Variants in TMX2 observed in about 807,000 individuals in gnomAD.
TMX2 encodes the protein thioredoxin related transmembrane protein 2.
In TMX2, 20 loss-of-function variants were observed where a neutral mutation model predicts 33.4. That is an observed-to-expected ratio of 0.60 (90% CI 0.42 to 0.87). The LOEUF is 0.87. Among genes scored for constraint, TMX2 ranks in the 40% least tolerant of loss-of-function variants. The pLI, the probability that TMX2 is intolerant of heterozygous loss-of-function variation, is 0.00. For synonymous variants in TMX2, 166 were observed against 140.7 expected, an observed-to-expected ratio of 1.18 and a Z score of -1.27; for missense variants, 340 against 370.7, an observed-to-expected ratio of 0.92 and a Z score of 0.68.
chr11:57,716,254 CG>C (rs1221691799), intron 1 of TMX2, among the ~76,000 whole-genome samples: 1 of 147,114 alleles, frequency 6.8e-6, no homozygotes. Context: ...GATGGCCGGG[CG>C]GGGGGCTGAC....
In TMX2 at chr11:57,729,363, G is replaced by C. The variant is rs562087361; in HGVS notation, c.190-8245G>C. Among the ~76,000 whole-genome samples, 23 of 151,920 alleles carry C rather than the reference G, an allele frequency of 1.5e-4. No individual in the cohort carries two copies. The East Asian group carries it at 3.9e-3, about 26-fold the overall frequency. On this transcript the variant is annotated intron_variant, in intron 1 of 7. Coordinates refer to ENST00000278422, the MANE Select transcript of TMX2 (RefSeq NM_015959.4). ...TGCTTTAGATCGGCTGTTACTTTTC[G>C]ACTGAGATAAAAACCACTGTTCTCT...
At chr11:57,716,267 C>A (rs1241151767) in intron 1 of TMX2, among the ~76,000 whole-genome samples, 1 of 146,288 alleles carries the variant, frequency 6.8e-6, no homozygotes, top group African/African-American at 2.5e-5. Flanking sequence ...GGGGCTGACC[C>A]CCCCCCACCT....
chr11:57,713,447 A>G (rs946884982), intron 1 of TMX2, among the ~76,000 whole-genome samples: 2 of 152,120 alleles, frequency 1.3e-5, no homozygotes, highest in African/African-American at 4.8e-5. Context: ...GTTGTAAAGA[A>G]ATCTTTGGGA....
At chr11:57,716,705 G>A (rs1366604120) in intron 1 of TMX2, among the ~76,000 whole-genome samples, 1 of 145,590 alleles carries the variant, frequency 6.9e-6, no homozygotes, top group African/African-American at 2.6e-5. Flanking sequence ...GGCAGGCCGG[G>A]TGGGGGGCTG....
At chr11:57,726,133 C>G (rs1380519075) in intron 1 of TMX2, among the ~76,000 whole-genome samples, 1 of 152,088 alleles carries the variant, frequency 6.6e-6, no homozygotes, top group Non-Finnish European at 1.5e-5. Flanking sequence ...AGTCAGTCTG[C>G]CGGGCGTGGT....
chr11:57,721,421 T>C (rs1263096843), intron 1 of TMX2, among the ~76,000 whole-genome samples: 1 of 147,472 alleles, frequency 6.8e-6, no homozygotes, highest in Non-Finnish European at 1.5e-5. Context: ...CAGTCTCGGC[T>C]CACCACAACC....
chr11:57,715,435 AT>A (rs1362233772), intron 1 of TMX2, among the ~76,000 whole-genome samples: 2 of 149,646 alleles, frequency 1.3e-5, no homozygotes, highest in South Asian at 2.1e-4. Context: ...AAAAAAATAT[AT>A]TTTATATATA....
intron 1 of TMX2, among the ~76,000 whole-genome samples, chr11:57,733,546 C>T (rs1234692662): frequency 6.6e-6 from 1 of 151,684 alleles, no homozygotes; most frequent in Non-Finnish European, 1.5e-5. Flanking sequence ...CGTGAGTCAC[C>T]GCGCCCAGCC....
intron 1 of TMX2, among the ~76,000 whole-genome samples, chr11:57,721,733 A>G (rs577427165): frequency 6.6e-6 from 1 of 152,328 alleles, no homozygotes; most frequent in South Asian, 2.1e-4. Context: ...TAACCCTCAC[A>G]TTCCCCCAAA....
At chr11:57,724,077 A>AT (rs1220176269) in intron 1 of TMX2, among the ~76,000 whole-genome samples, 2 of 151,940 alleles carry the variant, frequency 1.3e-5, no homozygotes, top group Admixed American at 1.3e-4. Context: ...TTTAAAAAAA[A>AT]CTTTAGTGGA....
chr11:57,730,213 T>A (rs1298788896), intron 1 of TMX2, among the ~76,000 whole-genome samples: 1 of 135,190 alleles, frequency 7.4e-6, no homozygotes, highest in African/African-American at 2.8e-5. Context: ...GATCACCTGA[T>A]GTCAGGAGTT....
intron 1 of TMX2, among the ~76,000 whole-genome samples, chr11:57,725,396 G>A (rs964325593): frequency 1.3e-5 from 2 of 152,066 alleles, no homozygotes; most frequent in Admixed American, 6.6e-5. Flanking sequence ...GCCTCCCTTT[G>A]GGCCAGGGCA....
chr11:57,731,767 T>A (rs1015320518), intron 1 of TMX2, among the ~76,000 whole-genome samples: 38 of 152,096 alleles, frequency 2.5e-4, no homozygotes, highest in Admixed American at 2.4e-3. Flanking sequence ...CCTCATCTGG[T>A]TTTTATTTTG....
At chr11:57,728,398 C>G (rs879771532) in intron 1 of TMX2, among the ~76,000 whole-genome samples, 5 of 152,102 alleles carry the variant, frequency 3.3e-5, no homozygotes, top group Admixed American at 2.6e-4. Flanking sequence ...AGTAATATGG[C>G]TCCCAACGTT....
At chr11:57,718,480 G>A in intron 1 of TMX2, 2 of 918,076 alleles carry the variant, frequency 2.2e-6, no homozygotes, top group Non-Finnish European at 3.6e-6. Flanking sequence ...AGGAGATGCG[G>A]CCCAGGGGCT....
At chr11:57,723,603 C>T (rs966404945) in intron 1 of TMX2, among the ~76,000 whole-genome samples, 1 of 151,396 alleles carries the variant, frequency 6.6e-6, no homozygotes, top group Admixed American at 6.6e-5. Flanking sequence ...GAGTTCGAGA[C>T]CAGCCTGGCC....
At chr11:57,725,038 C>CA (rs1315544225) in intron 1 of TMX2, among the ~76,000 whole-genome samples, 3,947 of 61,118 alleles carry the variant, frequency 0.065, 123 homozygotes, top group African/African-American at 0.12. Flanking sequence ...GACTGTGTCT[C>CA]AAAAAAAAAA....
Position 57,737,527 on chromosome 11 carries a change from T to C in TMX2, c.190-81T>C, listed in dbSNP as rs1948823171. On this transcript the variant is annotated intron_variant, in intron 1 of 7. Coordinates refer to ENST00000278422, the MANE Select transcript of TMX2 (RefSeq NM_015959.4). ...CCCAGTTTGGATCGCTATTGGTTTT[T>C]ATTACATATTTAGTTCCCTTTCCCA... is the stretch of plus-strand genomic sequence containing the variant. The C allele has an allele frequency of 5.0e-6, 6 of 1,198,188 alleles. No homozygotes were observed. In the East Asian group the frequency reaches 1.4e-4, roughly 28 times the overall value. 74.2% of individuals were successfully genotyped at this position (1,198,188 alleles called of 1,614,324 possible). A position where few individuals can be genotyped will look rare whatever the true frequency, so the allele number is the denominator to read the frequency against.
At chr11:57,733,247 A>ATTTT (rs71061537) in intron 1 of TMX2, among the ~76,000 whole-genome samples, 33 of 74,878 alleles carry the variant, frequency 4.4e-4, no homozygotes, top group African/African-American at 6.0e-4. Context: ...ACAGTGAGGA[A>ATTTT]TTTTTTTTTT....
Sources: gnomAD v4.1 joint callset for allele counts (sites outside exome capture counted in the v4.1 genomes callset) on GRCh38, gnomAD v4.1.1 for gene constraint, MANE v1.5 for transcripts, NCBI Gene and HGNC (gene_info 2026-07-23, HGNC 2026-07-21) for gene names.